Variants in REDIC1 observed in about 807,000 individuals in gnomAD.
REDIC1 encodes the protein HEI10 Interacting Protein 1.
the REDIC1 span, among the ~76,000 whole-genome samples, chr12:39,730,225 C>T: frequency 2.0e-4 from 31 of 152,218 alleles, 1 homozygote; most frequent in East Asian, 2.3e-3. Context: ...TTATTTTGCC[C>T]GTTAGTTGGC....
chr12:39,756,729 T>C, the REDIC1 span: 1 of 151,684 alleles, frequency 6.6e-6, no homozygotes, highest in South Asian at 2.1e-4. Flanking sequence ...TCCTGATCAT[T>C]CTTCCCCTGT....
the REDIC1 span, among the ~76,000 whole-genome samples, chr12:39,713,120 TATGTGCATATACGTATATATGTAG>T: frequency 1.3e-4 from 19 of 149,796 alleles, 1 homozygote; most frequent in South Asian, 1.0e-3. Context: ...TATATGTAGA[TATGTGCATATACGTATATATGTAG>T]ATATGTGCAT....
the REDIC1 span, chr12:39,716,928 G>C: frequency 3.6e-6 from 3 of 822,962 alleles, no homozygotes; most frequent in Non-Finnish European, 5.1e-6. Context: ...TAAAACTGTT[G>C]AGTCAATTAA....
At chr12:39,799,169 G>A in the REDIC1 span, among the ~76,000 whole-genome samples, 626 of 140,196 alleles carry the variant, frequency 4.5e-3, 3 homozygotes, top group African/African-American at 0.015. Flanking sequence ...TGCAACCTCC[G>A]CCTCCCAGGT....
chr12:39,658,577 A>G, the REDIC1 span, among the ~76,000 whole-genome samples: 1 of 152,194 alleles, frequency 6.6e-6, no homozygotes, highest in African/African-American at 2.4e-5. Flanking sequence ...GTGGCTAAGA[A>G]TATGGTTTAC....
the REDIC1 span, among the ~76,000 whole-genome samples, chr12:39,801,303 C>A: frequency 2.9e-5 from 4 of 136,538 alleles, no homozygotes; most frequent in South Asian, 2.4e-4. Flanking sequence ...TAGTGTTTCA[C>A]TTGATAAATA....
At chr12:39,765,784 G>C in the REDIC1 span, among the ~76,000 whole-genome samples, 1 of 152,012 alleles carries the variant, frequency 6.6e-6, no homozygotes, top group Non-Finnish European at 1.5e-5. Context: ...TTGTTACATA[G>C]GTAAATGCGT....
the REDIC1 span, among the ~76,000 whole-genome samples, chr12:39,796,642 C>T: frequency 1.3e-5 from 2 of 152,010 alleles, no homozygotes; most frequent in African/African-American, 2.4e-5. Context: ...GAGAGGAAAC[C>T]CAGGCCTTAG....
the REDIC1 span, among the ~76,000 whole-genome samples, chr12:39,903,656 G>C: frequency 6.6e-6 from 1 of 151,970 alleles, no homozygotes; most frequent in East Asian, 1.9e-4. Context: ...GGCTTCTACA[G>C]GCATCTTCTG....
chr12:39,782,108 T>C, the REDIC1 span, among the ~76,000 whole-genome samples: 1 of 152,130 alleles, frequency 6.6e-6, no homozygotes, highest in Non-Finnish European at 1.5e-5. Context: ...TCTTAGGACA[T>C]AAAGACAAAA....
chr12:39,691,784 ATTACCTGAAGC>A, the REDIC1 span, among the ~76,000 whole-genome samples: 1 of 152,110 alleles, frequency 6.6e-6, no homozygotes, highest in Non-Finnish European at 1.5e-5. Context: ...ATTTACTATG[ATTACCTGAAGC>A]TTTTCCTTTT....
At chr12:39,854,684 T>C in the REDIC1 span, among the ~76,000 whole-genome samples, 1 of 152,194 alleles carries the variant, frequency 6.6e-6, no homozygotes, top group Non-Finnish European at 1.5e-5. Context: ...CCTCCTTGCT[T>C]GATGCTGTTG....
At chr12:39,692,132 T>A in the REDIC1 span, 1 of 1,499,952 alleles carries the variant, frequency 6.7e-7, no homozygotes, top group Non-Finnish European at 9.0e-7. Context: ...ACTGTATAAG[T>A]TAATTTTACT....
At chr12:39,674,620 G>A in the REDIC1 span, among the ~76,000 whole-genome samples, 13 of 152,176 alleles carry the variant, frequency 8.5e-5, no homozygotes, top group Admixed American at 8.5e-4. Context: ...CTCCACTGGG[G>A]AACCAGAAAT....
chr12:39,773,361 A>T, the REDIC1 span, among the ~76,000 whole-genome samples: 2 of 152,176 alleles, frequency 1.3e-5, no homozygotes, highest in Non-Finnish European at 2.9e-5. Flanking sequence ...TATACAGACC[A>T]AATAAATAAT....
At chr12:39,818,151 C>T in the REDIC1 span, among the ~76,000 whole-genome samples, 2 of 152,156 alleles carry the variant, frequency 1.3e-5, no homozygotes, top group South Asian at 4.1e-4. Context: ...GATCCCTTCT[C>T]ACAGTTAAGC....
chr12:39,681,894 A>G, the REDIC1 span, among the ~76,000 whole-genome samples: 258 of 152,274 alleles, frequency 1.7e-3, 1 homozygote, highest in African/African-American at 6.0e-3. Flanking sequence ...GGAACAACTC[A>G]CTTCCAAATA....
At chr12:39,662,407 G>C in the REDIC1 span, among the ~76,000 whole-genome samples, 1 of 151,844 alleles carries the variant, frequency 6.6e-6, no homozygotes, top group Admixed American at 6.6e-5. Flanking sequence ...GTATATAATG[G>C]GATTGCTTTC....
chr12:39,635,924 C>G, the REDIC1 span, among the ~76,000 whole-genome samples: 120,960 of 152,038 alleles, frequency 0.8, 48,794 homozygotes, highest in Non-Finnish European at 0.87. Flanking sequence ...GAAGTTTGTA[C>G]CTATAAAATT....
Sources: gnomAD v4.1 joint callset for allele counts (sites outside exome capture counted in the v4.1 genomes callset) on GRCh38, gnomAD v4.1.1 for gene constraint, MANE v1.5 for transcripts, NCBI Gene and HGNC (gene_info 2026-07-23, HGNC 2026-07-21) for gene names.